DDC: variants seen among roughly 807,000 people sequenced by gnomAD.
The protein encoded by DDC is dopa decarboxylase.
In DDC, 43 loss-of-function variants were observed where a neutral mutation model predicts 60.0. That is an observed-to-expected ratio of 0.72 (90% CI 0.56 to 0.92). DDC has a LOEUF of 0.92. Ranked by LOEUF, DDC falls within the 40% of genes least tolerant of loss-of-function variation. The pLI, the probability that DDC is intolerant of heterozygous loss-of-function variation, is 0.00. For synonymous variants in DDC, 232 were observed against 234.6 expected (o/e 0.99, Z 0.10); for missense variants, 573 against 620.2 (o/e 0.92, Z 0.81).
chr7:50,496,830 C>T (rs952925670), intron 8 of DDC, among the ~76,000 whole-genome samples: 2 of 152,224 alleles, frequency 1.3e-5, no homozygotes, highest in Non-Finnish European at 1.5e-5. Context: ...GGATGTGCAC[C>T]GAGGAGGCAG....
intron 1 of DDC, among the ~76,000 whole-genome samples, chr7:50,553,640 C>A (rs1187679944): frequency 6.6e-6 from 1 of 151,912 alleles, no homozygotes; most frequent in Non-Finnish European, 1.5e-5. Context: ...GTGTGCGTCA[C>A]CACACCTGGC....
intron 6 of DDC, among the ~76,000 whole-genome samples, chr7:50,516,464 A>T (rs978953394): frequency 1.8e-4 from 27 of 151,952 alleles, no homozygotes; most frequent in Non-Finnish European, 3.5e-4. Context: ...TAAACACCTC[A>T]TTGAAAAGAC....
intron 6 of DDC, among the ~76,000 whole-genome samples, chr7:50,516,990 A>T (rs1398549125): frequency 6.6e-6 from 1 of 152,212 alleles, no homozygotes; most frequent in Non-Finnish European, 1.5e-5. Context: ...GCAGAATTCT[A>T]CCAGACATTC....
At chr7:50,545,219 T>G (rs545141104) in intron 1 of DDC, among the ~76,000 whole-genome samples, 1 of 152,326 alleles carries the variant, frequency 6.6e-6, no homozygotes, top group African/African-American at 2.4e-5. Flanking sequence ...GACAAGCACA[T>G]TCTCCACTAC....
At chr7:50,467,533 T>C (rs1311341806) in intron 12 of DDC, among the ~76,000 whole-genome samples, 1 of 152,200 alleles carries the variant, frequency 6.6e-6, no homozygotes. Flanking sequence ...AGAACACCAA[T>C]TGTCATTTTC....
At chr7:50,523,039 A>C (rs2043942061) in intron 6 of DDC, among the ~76,000 whole-genome samples, 1 of 152,200 alleles carries the variant, frequency 6.6e-6, no homozygotes, top group African/African-American at 2.4e-5. Flanking sequence ...TCCTTCCCCT[A>C]ACACTGAGGA....
At chr7:50,555,593 T>G (rs1475657180) in intron 1 of DDC, among the ~76,000 whole-genome samples, 1 of 152,180 alleles carries the variant, frequency 6.6e-6, no homozygotes, top group Non-Finnish European at 1.5e-5. Context: ...ACTATTTTTA[T>G]GTAAACCCGG....
chr7:50,484,494 T>G (rs1178900122), intron 9 of DDC, among the ~76,000 whole-genome samples: 2 of 152,196 alleles, frequency 1.3e-5, no homozygotes, highest in African/African-American at 4.8e-5. Flanking sequence ...AGCTTCCCAT[T>G]ATACTTTATT....
rs928894604 is a variant in DDC, at chr7:50,537,717, T to C, written c.435+143A>G. ...CCTGCCAATCCCAAAGCCAGCATTT[T>C]CCCAAGAGCTCGGTTTTGTTTATTC... On this transcript the variant is annotated intron_variant, in intron 4 of 14. Coordinates refer to ENST00000444124, the MANE Select transcript of DDC (RefSeq NM_001082971.2). The C allele has an allele frequency of 2.0e-5, 22 of 1,099,044 alleles. No individual in the cohort carries two copies. In the South Asian group the frequency reaches 2.4e-4, roughly 12 times the overall value. 68.1% of individuals were successfully genotyped at this position (1,099,044 alleles called of 1,614,324 possible). A position where few individuals can be genotyped will look rare whatever the true frequency, so the allele number is the denominator to read the frequency against.
chr7:50,485,810 C>G (rs1176986641), intron 9 of DDC, among the ~76,000 whole-genome samples: 5 of 152,148 alleles, frequency 3.3e-5, no homozygotes, highest in African/African-American at 1.2e-4. Context: ...CCTCACTCTC[C>G]CCACTCCCTG....
At chr7:50,482,986 C>T (rs974352677) in intron 9 of DDC, among the ~76,000 whole-genome samples, 1 of 151,366 alleles carries the variant, frequency 6.6e-6, no homozygotes, top group Admixed American at 6.6e-5. Context: ...CTGATCCTTA[C>T]ATGTTTACTT....
intron 8 of DDC, among the ~76,000 whole-genome samples, chr7:50,497,679 T>C (rs1037033594): frequency 1.1e-4 from 17 of 152,230 alleles, no homozygotes; most frequent in African/African-American, 4.1e-4. Context: ...CATCACATTA[T>C]GAGAACTTCT....
intron 6 of DDC, among the ~76,000 whole-genome samples, chr7:50,519,484 A>G (rs115632872): frequency 0.013 from 1,906 of 152,368 alleles, 35 homozygotes; most frequent in African/African-American, 0.044. Flanking sequence ...AAATCGTGGA[A>G]CCAACCAAAT....
intron 10 of DDC, 60 bp from the exon 11 acceptor site, chr7:50,476,703 G>T: frequency 6.9e-7 from 1 of 1,452,418 alleles, no homozygotes; most frequent in East Asian, 2.3e-5. Flanking sequence ...TTGATCACAC[G>T]CTAATCCTTT....
intron 6 of DDC, among the ~76,000 whole-genome samples, chr7:50,505,445 A>G (rs1013460513): frequency 7.9e-5 from 12 of 152,214 alleles, no homozygotes; most frequent in African/African-American, 2.9e-4. Context: ...AGCCCCCTGT[A>G]AAGTCTTAGC....
At chr7:50,529,466 A>T (rs1365768676) in intron 4 of DDC, 124 bp from the exon 5 acceptor site, 6 of 1,139,008 alleles carry the variant, frequency 5.3e-6, no homozygotes, top group Non-Finnish European at 7.8e-6. Flanking sequence ...AAATGGCAAA[A>T]TTCACTCTCC....
chr7:50,500,428 AG>A (rs2043226585), intron 7 of DDC, among the ~76,000 whole-genome samples: 1 of 152,212 alleles, frequency 6.6e-6, no homozygotes, highest in Non-Finnish European at 1.5e-5. Context: ...TTCAGACTAC[AG>A]CAAGCTTCAA....
intron 3 of DDC, 136 bp downstream of exon 3, chr7:50,539,779 C>T: frequency 2.9e-6 from 2 of 696,116 alleles, no homozygotes; most frequent in Non-Finnish European, 5.2e-6. Flanking sequence ...ATCCTTTCTC[C>T]TCCCTGCAAC....
At chr7:50,516,945 C>T (rs550747798) in intron 6 of DDC, among the ~76,000 whole-genome samples, 4 of 152,120 alleles carry the variant, frequency 2.6e-5, no homozygotes, top group Non-Finnish European at 4.4e-5. Flanking sequence ...TTAAAAATTA[C>T]CAACAAAAAA....
Sources: gnomAD v4.1 joint callset for allele counts (sites outside exome capture counted in the v4.1 genomes callset) on GRCh38, gnomAD v4.1.1 for gene constraint, MANE v1.5 for transcripts, NCBI Gene and HGNC (gene_info 2026-07-23, HGNC 2026-07-21) for gene names.